SPI1: variants seen among roughly 807,000 people sequenced by gnomAD.
SPI1 encodes transcription factor PU.1.
A neutral mutation model predicts 30.7 loss-of-function variants in SPI1; 3 were observed. The ratio of observed to expected loss-of-function variants is 0.10; its 90% confidence interval spans 0.04 to 0.25. The LOEUF is 0.25. Among genes scored for constraint, SPI1 ranks in the 10% least tolerant of loss-of-function variants. The pLI is 1.00. For missense variants in SPI1, 261 were observed against 371.5 expected, an observed-to-expected ratio of 0.70 and a Z score of 2.45; for synonymous variants, 169 against 157.1, an observed-to-expected ratio of 1.08 and a Z score of -0.56.
At chr11:47,356,241 G>GC (rs891871427) in intron 4 of SPI1, among the ~76,000 whole-genome samples, 3 of 141,600 alleles carry the variant, frequency 2.1e-5, no homozygotes, top group African/African-American at 5.3e-5. Flanking sequence ...TCACTAACAT[G>GC]CCCCCACACA....
chr11:47,378,395 G>A lies in SPI1; in HGVS notation c.-42C>T. 1.3e-6 allele frequency: 2 copies of A among 1,598,326 alleles called. No individual in the cohort carries two copies. Among genetic ancestry groups the A allele is most frequent in the Non-Finnish European group, 1.7e-6 (2 of 1,172,452 alleles). ...TCGGTCAGATCCCCTGCCTCGGTGG[G>A]GGCCAATGCAGAGCCCCTCAGGATG... On this transcript the variant is annotated 5_prime_UTR_variant, in exon 1 of 5. Coordinates refer to ENST00000378538, the MANE Select transcript of SPI1 (RefSeq NM_003120.3).
At chr11:47,357,079 TTCACACATGCTAACACC>T (rs1221830716) in intron 4 of SPI1, among the ~76,000 whole-genome samples, 1 of 147,686 alleles carries the variant, frequency 6.8e-6, no homozygotes, top group East Asian at 2.1e-4. Flanking sequence ...ATGCTAACAC[TTCACACATGCTAACACC>T]TCACACATTC....
Position 47,374,901 on chromosome 11 carries a change from C to T in SPI1, c.142+732G>A, listed in dbSNP as rs1249342668. 2.6e-5 allele frequency among the ~76,000 whole-genome samples: 4 copies of T among 152,258 alleles called. No individual in the cohort carries two copies. The highest frequency in any genetic ancestry group is 9.6e-5 in the African/African-American group (4 of 41,474). ...TGGCCCAGGCCTCTTCCTCCCACTT[C>T]AGCAAACTGGGGGCCTCGGCCTCTG... On this transcript the variant is annotated intron_variant, in intron 2 of 4. Transcript: ENST00000378538. The surrounding 1 kb of genome is among the most constrained non-coding windows in gnomAD (Gnocchi z 4.5).
In SPI1 at chr11:47,375,653, C is replaced by G. The variant is rs1336660368; in HGVS notation, c.122G>C (p.Ser41Thr). Reference sequence around the variant, plus strand: ...CTCACCGCTATGGCTCTCCCCATCACTGCTGAGATAGGGGTAATACTCGTG... The same window carrying G: ...CTCACCGCTATGGCTCTCCCCATCAGTGCTGAGATAGGGGTAATACTCGTG... ...QTHEYYPYLS[S>T]DGESHSDHYW... Residue 41 changes from serine (S) to threonine (T), a missense_variant, in exon 2 of 5, where the codon AGT becomes ACT. Ser to Thr is a moderately conservative substitution (Grantham distance 58, BLOSUM62 1). Transcript: ENST00000378538. This position sits in a 1 kb window ranked among gnomAD's most constrained non-coding sequence, Gnocchi z 4.2. 3 of 1,613,908 alleles carry G rather than the reference C, an allele frequency of 1.9e-6. No homozygotes were observed. In the African/African-American group the frequency reaches 4.0e-5, roughly 22 times the overall value.
intron 2 of SPI1, among the ~76,000 whole-genome samples, chr11:47,367,219 TG>T (rs952689098): frequency 2.0e-5 from 3 of 152,082 alleles, no homozygotes; most frequent in Non-Finnish European, 2.9e-5. Flanking sequence ...GATGGATGGA[TG>T]GATGGATAGA....
chr11:47,376,921 C>G (rs1220176870), intron 1 of SPI1, among the ~76,000 whole-genome samples: 2 of 152,176 alleles, frequency 1.3e-5, no homozygotes, highest in Non-Finnish European at 2.9e-5. Flanking sequence ...AGCTCTGCCA[C>G]CCATCTAGCT....
chr11:47,369,742 C>T (rs971251662), intron 2 of SPI1, among the ~76,000 whole-genome samples: 1 of 152,122 alleles, frequency 6.6e-6, no homozygotes, highest in Admixed American at 6.5e-5. Flanking sequence ...CATACACAGC[C>T]AAACTATGAT....
intron 2 of SPI1, among the ~76,000 whole-genome samples, chr11:47,361,378 G>A (rs2095920606): frequency 6.6e-6 from 1 of 152,172 alleles, no homozygotes; most frequent in Non-Finnish European, 1.5e-5. Context: ...CCTGGGACCT[G>A]AGACTTTCCT....
At chr11:47,366,017 T>A (rs2095927641) in intron 2 of SPI1, among the ~76,000 whole-genome samples, 1 of 151,926 alleles carries the variant, frequency 6.6e-6, no homozygotes, top group Admixed American at 6.6e-5. Flanking sequence ...TTTTAATGAG[T>A]ACTTTTATCC....
intron 4 of SPI1, among the ~76,000 whole-genome samples, chr11:47,355,809 T>G (rs549950642): frequency 2.1e-5 from 3 of 140,208 alleles, no homozygotes; most frequent in African/African-American, 8.2e-5. Context: ...ACCCACACAG[T>G]GCACCAAGTA....
At chr11:47,366,156 A>G (rs569214538) in intron 2 of SPI1, among the ~76,000 whole-genome samples, 5 of 152,154 alleles carry the variant, frequency 3.3e-5, no homozygotes, top group Admixed American at 2.6e-4. Flanking sequence ...CCATCCAACT[A>G]TCATCCAGCC....
intron 2 of SPI1, among the ~76,000 whole-genome samples, chr11:47,372,326 G>A (rs1225909727): frequency 1.2e-4 from 19 of 152,010 alleles, no homozygotes; most frequent in African/African-American, 1.4e-4. Flanking sequence ...TCTTGACCTC[G>A]TGATCCACCC....
chr11:47,377,895 T>C (rs1034137275), intron 1 of SPI1, among the ~76,000 whole-genome samples: 22 of 152,296 alleles, frequency 1.4e-4, no homozygotes, highest in African/African-American at 5.3e-4. Context: ...GGCCAAGACT[T>C]CTGCCCATTG....
chr11:47,366,488 A>G (rs1298249342), intron 2 of SPI1, among the ~76,000 whole-genome samples: 1 of 152,158 alleles, frequency 6.6e-6, no homozygotes, highest in Non-Finnish European at 1.5e-5. Context: ...GGCCAAGAAA[A>G]AAACCTTCTC....
Position 47,358,866 on chromosome 11 carries a change from A to C in SPI1, c.471T>G (p.Pro157=), listed in dbSNP as rs761890958. The C allele has an allele frequency of 1.9e-6, 3 of 1,550,410 alleles. No individual in the cohort carries two copies. The East Asian group carries it at 7.2e-5, about 37-fold the overall frequency. ...DGEADGLEPG[P]GLLPGETGSK... ...CACCTGTCTCCCCAGGCAGGAGCCCAGGCCCGGGCTCCAGGCCATCCGCCT... is the reference window on the plus strand; with the variant it reads ...CACCTGTCTCCCCAGGCAGGAGCCCCGGCCCGGGCTCCAGGCCATCCGCCT... The change falls in exon 4 of 5, where the codon CCT becomes CCG. Residue 157 remains proline (P), a synonymous_variant. Transcript: ENST00000378538.
Position 47,359,315 on chromosome 11 carries a change from C to A in SPI1, c.331-309G>T, listed in dbSNP as rs949120601. Among the ~76,000 whole-genome samples, 1 of 152,200 alleles carries A rather than the reference C, an allele frequency of 6.6e-6. No individual in the cohort carries two copies. Among genetic ancestry groups the A allele is most frequent in the South Asian group, 2.1e-4 (1 of 4,824 alleles). ...CCTCCCTGCAGCGGTGCTGTGTGGA[C>A]CCGCATTAGGCTGGGGTCAGAAGAG... On this transcript the variant is annotated intron_variant, in intron 3 of 4. Coordinates refer to ENST00000378538, the MANE Select transcript of SPI1 (RefSeq NM_003120.3). The surrounding 1 kb of genome is among the most constrained non-coding windows in gnomAD (Gnocchi z 5.1).
Position 47,355,543 on chromosome 11 carries a change from C to G in SPI1, c.497G>C (p.Ser166Thr), listed in dbSNP as rs768591285. 1.3e-6 allele frequency: 2 copies of G among 1,569,162 alleles called. No homozygotes were observed. Among genetic ancestry groups the G allele is most frequent in the Non-Finnish European group, 1.7e-6 (2 of 1,154,658 alleles). ...GPGLLPGETG[S>T]KKKIRLYQFL... Reference sequence around the variant, plus strand: ...CTGGTACAGGCGGATCTTCTTCTTGCTGCCTGCGGGGGGGAGGGCCCGGTG... The same window carrying G: ...CTGGTACAGGCGGATCTTCTTCTTGGTGCCTGCGGGGGGGAGGGCCCGGTG... Residue 166 changes from serine (S) to threonine (T), a missense_variant, in exon 5 of 5, where the codon AGC becomes ACC. Coordinates refer to ENST00000378538, the MANE Select transcript of SPI1 (RefSeq NM_003120.3).
chr11:47,366,790 C>T (rs570569793), intron 2 of SPI1, among the ~76,000 whole-genome samples: 14 of 150,792 alleles, frequency 9.3e-5, no homozygotes, highest in African/African-American at 3.4e-4. Context: ...CATTGCACTA[C>T]AGCCTGGACG....
chr11:47,362,164 A>C (rs1163683954), intron 2 of SPI1, among the ~76,000 whole-genome samples: 1 of 152,172 alleles, frequency 6.6e-6, no homozygotes, highest in African/African-American at 2.4e-5. Context: ...TTGAGAAGCA[A>C]ATGACCTATT....
Sources: allele counts gnomAD v4.1 joint callset (sites outside exome capture counted in the v4.1 genomes callset), GRCh38; gene constraint gnomAD v4.1.1; non-coding constraint Gnocchi (gnomAD v3.1); transcripts MANE v1.5; gene names NCBI Gene and HGNC (gene_info 2026-07-23, HGNC 2026-07-21).